TRMT11: variants seen among roughly 807,000 people sequenced by gnomAD.
TRMT11 encodes tRNA (guanine(10)-N(2))-methyltransferase TRMT11.
Under a neutral mutation model 62.8 loss-of-function variants are expected in TRMT11, and 53 were observed. That is an observed-to-expected ratio of 0.84 (90% confidence interval 0.68 to 1.06). The LOEUF is 1.06. TRMT11 is among the 50% of genes least tolerant of loss of function. The pLI is 0.00. For missense variants in TRMT11, 556 were observed against 553.4 expected, an observed-to-expected ratio of 1.00 and a Z score of -0.05; for synonymous variants, 188 against 190.3, an observed-to-expected ratio of 0.99 and a Z score of 0.10.
At chr6:126,241,784 G>A in the TRMT11 span, among the ~76,000 whole-genome samples, 2 of 152,248 alleles carry the variant, frequency 1.3e-5, no homozygotes, top group South Asian at 4.1e-4. Flanking sequence ...AGGTATTGTT[G>A]GGACATATCT....
At chr6:126,116,871 A>G (rs1322158094) in intron 21 of TRMT11, among the ~76,000 whole-genome samples, 3 of 152,110 alleles carry the variant, frequency 2.0e-5, no homozygotes, top group East Asian at 1.9e-4. Flanking sequence ...CCATTTTCCT[A>G]GACTCCTTCA....
intron 11 of TRMT11, among the ~76,000 whole-genome samples, chr6:126,017,281 A>C (rs1795124781): frequency 6.6e-6 from 1 of 152,208 alleles, no homozygotes. Context: ...TTCAAGTTAC[A>C]CATTATAACC....
the TRMT11 span, among the ~76,000 whole-genome samples, chr6:126,265,760 C>A: frequency 5.3e-5 from 8 of 152,210 alleles, no homozygotes; most frequent in South Asian, 1.7e-3. Context: ...AGTCAGGAAA[C>A]TTGATCTTAG....
chr6:126,247,557 AAT>A, the TRMT11 span, among the ~76,000 whole-genome samples: 1 of 146,906 alleles, frequency 6.8e-6, no homozygotes, highest in African/African-American at 2.5e-5. Flanking sequence ...AATATAAATA[AAT>A]ATATAAATAT....
At chr6:125,999,883 C>CAA (rs1792189019) in intron 7 of TRMT11, among the ~76,000 whole-genome samples, 1 of 152,046 alleles carries the variant, frequency 6.6e-6, no homozygotes, top group Non-Finnish European at 1.5e-5. Flanking sequence ...GAAAAACTTG[C>CAA]AATACCATAC....
intron 16 of TRMT11, among the ~76,000 whole-genome samples, chr6:126,045,140 A>T (rs944144263): frequency 6.6e-6 from 1 of 151,724 alleles, no homozygotes; most frequent in Non-Finnish European, 1.5e-5. Flanking sequence ...GTGAGCTGAG[A>T]TTACACCACT....
chr6:126,197,658 GTTC>G (rs1354300369), intron 1 of TRMT11, among the ~76,000 whole-genome samples: 1 of 152,224 alleles, frequency 6.6e-6, no homozygotes, highest in Non-Finnish European at 1.5e-5. Flanking sequence ...AAGCAGACTT[GTTC>G]TTCTTCCTTT....
intron 11 of TRMT11, among the ~76,000 whole-genome samples, chr6:126,013,620 A>G (rs1478199213): frequency 2.0e-5 from 3 of 152,144 alleles, no homozygotes. Flanking sequence ...GGGTTGGCAA[A>G]CCACGGCCTA....
At chr6:126,268,384 G>A in the TRMT11 span, among the ~76,000 whole-genome samples, 1 of 152,180 alleles carries the variant, frequency 6.6e-6, no homozygotes, top group African/African-American at 2.4e-5. Context: ...CTGGAGTTGA[G>A]CTGGGGAGGT....
intron 1 of TRMT11, among the ~76,000 whole-genome samples, chr6:126,185,449 ATACATAT>A (rs112537652): frequency 0.025 from 3,769 of 152,240 alleles, 144 homozygotes; most frequent in African/African-American, 0.085. Flanking sequence ...TCCACCTAAA[ATACATAT>A]TGCATATCTT....
intron 11 of TRMT11, among the ~76,000 whole-genome samples, chr6:126,019,940 C>G (rs1020237093): frequency 1.3e-5 from 2 of 152,036 alleles, no homozygotes; most frequent in Middle Eastern, 3.2e-3. Flanking sequence ...TTAGAAAGCT[C>G]TAGGAAGAAG....
intron 21 of TRMT11, among the ~76,000 whole-genome samples, chr6:126,138,429 A>G (rs905564310): frequency 1.3e-5 from 2 of 151,984 alleles, no homozygotes; most frequent in Non-Finnish European, 2.9e-5. Flanking sequence ...GGGCAGTTCT[A>G]TGTATGTGCT....
Position 125,986,549 on chromosome 6 carries a change from C to T in TRMT11, c.-2C>T. On this transcript the variant is annotated 5_prime_UTR_variant, in exon 1 of 13. Transcript: ENST00000334379. ...CGCGCAGGCGCACGGTGGGCAGCTG[C>T]AATGGCGCTGTCGTGTACCCTTAAC... 6.3e-7 allele frequency: 1 copy of T among 1,587,382 alleles called. No individual in the cohort carries two copies. Among genetic ancestry groups the T allele is most frequent in the South Asian group, 1.1e-5 (1 of 86,974 alleles).
At chr6:126,121,496 G>A (rs562960636) in intron 21 of TRMT11, among the ~76,000 whole-genome samples, 4 of 152,178 alleles carry the variant, frequency 2.6e-5, no homozygotes, top group East Asian at 1.9e-4. Flanking sequence ...CTGTGCTTTC[G>A]TGTTAGAAAG....
At chr6:126,094,179 G>T (rs951184317) in intron 17 of TRMT11, among the ~76,000 whole-genome samples, 4 of 151,936 alleles carry the variant, frequency 2.6e-5, no homozygotes, top group Admixed American at 2.6e-4. Flanking sequence ...GAAATGACTG[G>T]GGTGTATTCT....
chr6:126,195,120 G>A (rs9491582), intron 1 of TRMT11, among the ~76,000 whole-genome samples: 14,039 of 152,068 alleles, frequency 0.092, 2,158 homozygotes, highest in African/African-American at 0.32. Context: ...TGTTATAAAA[G>A]TTATTGGTAA....
At chr6:126,251,050 A>G in the TRMT11 span, among the ~76,000 whole-genome samples, 1 of 150,672 alleles carries the variant, frequency 6.6e-6, no homozygotes, top group South Asian at 2.1e-4. Context: ...TTTTTTTCCA[A>G]GACGGAGTCT....
chr6:126,167,996 G>A (rs970292498), intron 21 of TRMT11, among the ~76,000 whole-genome samples: 1 of 152,134 alleles, frequency 6.6e-6, no homozygotes, highest in Non-Finnish European at 1.5e-5. Flanking sequence ...TTTGGACTTG[G>A]GTCAGTGTCT....
intron 21 of TRMT11, among the ~76,000 whole-genome samples, chr6:126,157,517 GT>G (rs2128226442): frequency 6.6e-6 from 1 of 152,298 alleles, no homozygotes; most frequent in South Asian, 2.1e-4. Flanking sequence ...TTGGCTGTGT[GT>G]TGCTCTTTTC....
Sources: allele counts gnomAD v4.1 joint callset (sites outside exome capture counted in the v4.1 genomes callset), GRCh38; gene constraint gnomAD v4.1.1; transcripts MANE v1.5; gene names NCBI Gene and HGNC (gene_info 2026-07-23, HGNC 2026-07-21).